ZNF385D: variants seen among roughly 807,000 people sequenced by gnomAD.
The protein encoded by ZNF385D is zinc finger protein 659.
Under a neutral mutation model 35.8 loss-of-function variants are expected in ZNF385D, and 15 were observed. That is an observed-to-expected ratio of 0.42 (90% confidence interval 0.28 to 0.64). ZNF385D has a LOEUF of 0.64. Ranked by LOEUF, ZNF385D falls within the 30% of genes least tolerant of loss-of-function variation. ZNF385D has a pLI of 0.23. For missense variants in ZNF385D, 474 were observed against 494.6 expected, an observed-to-expected ratio of 0.96 and a Z score of 0.39; for synonymous variants, 212 against 186.8, an observed-to-expected ratio of 1.13 and a Z score of -1.10.
chr3:21,511,602 T>G (rs1707210437), intron 3 of ZNF385D: 1 of 429,930 alleles, frequency 2.3e-6, no homozygotes, highest in African/African-American at 2.1e-5. Flanking sequence ...AATTTCAGAT[T>G]CTTTCTCCTC....
intron 2 of ZNF385D, among the ~76,000 whole-genome samples, chr3:22,190,898 T>C (rs1302799210): frequency 6.6e-6 from 1 of 152,120 alleles, no homozygotes; most frequent in Non-Finnish European, 1.5e-5. Context: ...CTATAAAGGA[T>C]ACTCTGTGAA....
intron 3 of ZNF385D, among the ~76,000 whole-genome samples, chr3:21,826,670 G>GGATA (rs1461768106): frequency 1.3e-5 from 2 of 152,006 alleles, no homozygotes; most frequent in African/African-American, 4.8e-5. Flanking sequence ...GGGTGGTGGG[G>GGATA]GATACATTCC....
rs1438949702 is a variant in ZNF385D at position 21,415,886 on chromosome 3, C to T, written c.*5328G>A. 6.6e-6 allele frequency: 1 copy of T among 152,040 alleles called. No homozygotes were observed. The highest frequency in any genetic ancestry group is 2.4e-5 in the African/African-American group (1 of 41,410). The allele number at this position is 152,040 out of a possible 1,614,324, so 9.4% of individuals were successfully genotyped here. A position where few individuals can be genotyped will look rare whatever the true frequency, so the allele number is the denominator to read the frequency against. On this transcript the variant is annotated 3_prime_UTR_variant, in exon 8 of 8. Transcript: ENST00000281523. ...TAGCCACCTAGGAAGGATGAGTTTC[C>T]ATCACTGAGAAGAGGAAAGAGAAGA...
intron 4 of ZNF385D, among the ~76,000 whole-genome samples, chr3:21,470,877 C>A (rs1219943852): frequency 2.6e-5 from 4 of 152,066 alleles, no homozygotes; most frequent in African/African-American, 9.7e-5. Context: ...AAACCTGGAA[C>A]ACACTTTGGG....
At chr3:22,183,744 C>T (rs957357930) in intron 2 of ZNF385D, among the ~76,000 whole-genome samples, 5 of 151,654 alleles carry the variant, frequency 3.3e-5, no homozygotes, top group Non-Finnish European at 5.9e-5. Flanking sequence ...CTATAATTGC[C>T]CTTTTGAATG....
intron 2 of ZNF385D, among the ~76,000 whole-genome samples, chr3:22,196,139 T>C (rs915590365): frequency 6.6e-6 from 1 of 151,994 alleles, no homozygotes; most frequent in Non-Finnish European, 1.5e-5. Flanking sequence ...AGTTTACCCA[T>C]GTAACAAAAC....
intron 2 of ZNF385D, among the ~76,000 whole-genome samples, chr3:21,663,889 G>T (rs1442651270): frequency 5.0e-5 from 1 of 19,882 alleles, no homozygotes; most frequent in East Asian, 5.9e-4. Context: ...ATTGTGGGCC[G>T]AATATATATA....
chr3:21,950,444 G>A (rs1575991475), intron 3 of ZNF385D, among the ~76,000 whole-genome samples: 1 of 151,824 alleles, frequency 6.6e-6, no homozygotes, highest in Non-Finnish European at 1.5e-5. Context: ...GTAGATTCTG[G>A]ATATTAGCCC....
intron 5 of ZNF385D, among the ~76,000 whole-genome samples, chr3:21,427,728 T>C (rs1354946326): frequency 1.3e-5 from 2 of 152,102 alleles, no homozygotes; most frequent in African/African-American, 2.4e-5. Flanking sequence ...AGAATAGAAA[T>C]GGGACATATG....
chr3:22,147,032 C>A (rs941092569), intron 3 of ZNF385D, among the ~76,000 whole-genome samples: 1 of 152,168 alleles, frequency 6.6e-6, no homozygotes, highest in Admixed American at 6.6e-5. Context: ...GTTAGCAAAT[C>A]TGACATTGTA....
chr3:22,111,794 A>G (rs1001133348), intron 3 of ZNF385D, among the ~76,000 whole-genome samples: 6 of 152,068 alleles, frequency 3.9e-5, no homozygotes, highest in Non-Finnish European at 8.8e-5. Flanking sequence ...CTCTTGTGAA[A>G]CCCTGAACAG....
chr3:21,461,112 C>A (rs781478012), intron 4 of ZNF385D, among the ~76,000 whole-genome samples: 1 of 152,112 alleles, frequency 6.6e-6, no homozygotes, highest in Non-Finnish European at 1.5e-5. Flanking sequence ...TTTCCCATCA[C>A]ATATGATATT....
chr3:22,223,866 T>A (rs1483221126), intron 2 of ZNF385D, among the ~76,000 whole-genome samples: 2 of 152,136 alleles, frequency 1.3e-5, no homozygotes, highest in Non-Finnish European at 2.9e-5. Flanking sequence ...GTAATTCTGA[T>A]TGGTTTATTT....
chr3:21,600,792 GAAAA>G (rs1435478475), intron 2 of ZNF385D, among the ~76,000 whole-genome samples: 3 of 151,278 alleles, frequency 2.0e-5, no homozygotes, highest in Admixed American at 2.0e-4. Context: ...ATATCCAAAA[GAAAA>G]AAAGCTCTGA....
At chr3:21,986,575 G>A (rs1187084999) in intron 3 of ZNF385D, among the ~76,000 whole-genome samples, 3 of 148,666 alleles carry the variant, frequency 2.0e-5, no homozygotes, top group South Asian at 2.1e-4. Context: ...GCTGTGGAGA[G>A]CTTTACTTCC....
At chr3:21,667,249 C>G (rs193148914) in intron 1 of ZNF385D, among the ~76,000 whole-genome samples, 51 of 152,284 alleles carry the variant, frequency 3.3e-4, no homozygotes, top group African/African-American at 1.2e-3. Flanking sequence ...GTAGCCTCAA[C>G]CTCCCGGGCT....
intron 3 of ZNF385D, among the ~76,000 whole-genome samples, chr3:21,551,815 C>T (rs1318438478): frequency 1.3e-5 from 2 of 151,970 alleles, no homozygotes; most frequent in Admixed American, 6.5e-5. Flanking sequence ...TAATTTATGA[C>T]ATTTTAAAAG....
intron 3 of ZNF385D, among the ~76,000 whole-genome samples, chr3:21,808,327 A>T (rs2072746441): frequency 6.6e-6 from 1 of 152,328 alleles, no homozygotes; most frequent in East Asian, 1.9e-4. Flanking sequence ...GTAGTATAAC[A>T]CCTTCTTGAA....
At chr3:21,486,628 A>G (rs535743333) in intron 4 of ZNF385D, among the ~76,000 whole-genome samples, 20 of 152,278 alleles carry the variant, frequency 1.3e-4, no homozygotes, top group African/African-American at 4.8e-4. Context: ...GGCTTTAATG[A>G]TCAGGAAAGT....
Sources: gnomAD v4.1 joint callset for allele counts (sites outside exome capture counted in the v4.1 genomes callset) on GRCh38, gnomAD v4.1.1 for gene constraint, MANE v1.5 for transcripts, NCBI Gene and HGNC (gene_info 2026-07-23, HGNC 2026-07-21) for gene names.